FAT1: variants seen among roughly 807,000 people sequenced by gnomAD.
FAT1 encodes protocadherin Fat 1.
In FAT1, 171 loss-of-function variants were observed where a neutral mutation model predicts 329.8. The observed-to-expected ratio is 0.52, with a 90% CI of 0.46 to 0.59. The LOEUF (loss-of-function observed/expected upper bound fraction) is 0.59, where lower values mean the gene tolerates loss of function less well. FAT1 is among the 20% of genes least tolerant of loss of function. The probability of loss-of-function intolerance (pLI) is 0.00; values close to 1 mark genes in which losing one functional copy is unlikely to be tolerated. For synonymous variants in FAT1, 2,233 were observed against 2,228.6 expected (o/e 1.00, Z -0.06); for missense variants, 5,672 against 5,774.4 (o/e 0.98, Z 0.57).
intron 20 of FAT1, 83 bp from the exon 21 acceptor site, chr4:186,601,509 G>A: frequency 9.1e-7 from 1 of 1,103,414 alleles, no homozygotes; most frequent in Non-Finnish European, 1.3e-6. Flanking sequence ...CACCCCTTGA[G>A]ACTGATTTAG....
At chr4:186,676,288 A>AC (rs1491434349) in intron 2 of FAT1, among the ~76,000 whole-genome samples, 11 of 150,436 alleles carry the variant, frequency 7.3e-5, no homozygotes, top group East Asian at 5.8e-4. Context: ...GAAAAAAAAA[A>AC]ACAAAAAAAA....
At chr4:186,667,804 C>G (rs1279310069) in intron 2 of FAT1, among the ~76,000 whole-genome samples, 1 of 152,130 alleles carries the variant, frequency 6.6e-6, no homozygotes, top group Non-Finnish European at 1.5e-5. Context: ...TTGCTTAAGC[C>G]CTGGAGTGAT....
intron 2 of FAT1, among the ~76,000 whole-genome samples, chr4:186,674,822 C>T (rs752913541): frequency 2.0e-5 from 3 of 152,030 alleles, no homozygotes; most frequent in Admixed American, 6.6e-5. Flanking sequence ...TCACTTGAGC[C>T]CAAGAGTTCG....
At chr4:186,681,900 T>C (rs1743224972) in intron 2 of FAT1, among the ~76,000 whole-genome samples, 1 of 152,214 alleles carries the variant, frequency 6.6e-6, no homozygotes, top group Non-Finnish European at 1.5e-5. Flanking sequence ...TCCATAACTA[T>C]CTTTCCCCAC....
intron 2 of FAT1, among the ~76,000 whole-genome samples, chr4:186,676,171 C>T (rs1742948953): frequency 6.6e-6 from 1 of 151,660 alleles, no homozygotes; most frequent in African/African-American, 2.4e-5. Context: ...GTATCTTTTA[C>T]ACAAAGACCA....
rs779197760 is a variant in FAT1, at chr4:186,598,112, T to C, written c.12117A>G (p.Lys4039=). 2.6e-5 allele frequency: 42 copies of C among 1,606,684 alleles called. No individual in the cohort carries two copies. Among genetic ancestry groups the C allele is most frequent in the Non-Finnish European group, 3.5e-5 (41 of 1,178,120 alleles). Residue 4039 remains lysine (K), a synonymous_variant, in exon 23 of 27, where the codon AAA becomes AAG. Coordinates refer to ENST00000441802, the MANE Select transcript of FAT1 (RefSeq NM_005245.4). ...NPSPAGGYYC[K]CSALYIGTHC... is the part of the protein sequence containing the mutation. Reference sequence around the variant, plus strand: ...GGGTCCCTATGTACAAGGCACTGCATTTGCAGTAATAACCTAAATCGGCAA... The same window carrying C: ...GGGTCCCTATGTACAAGGCACTGCACTTGCAGTAATAACCTAAATCGGCAA...
In FAT1 at chr4:186,708,748, G is replaced by A. The variant is rs2126698778; in HGVS notation, c.1080C>T (p.Phe360=). ...TTTCAAACTTGACTGGCCCGGCTTT[G>A]AACTGTGGAGAAGTCACGTGAATGA... The part of the protein sequence containing the change: ...VKVIHVTSPQ[F]KAGPVKFEKD... The change falls in exon 2 of 27, where the codon TTC becomes TTT. Residue 360 remains phenylalanine, a synonymous_variant. Coordinates refer to ENST00000441802, the MANE Select transcript of FAT1 (RefSeq NM_005245.4). The A allele has an allele frequency of 6.2e-7, 1 of 1,613,990 alleles. No homozygotes were observed. Among genetic ancestry groups the A allele is most frequent in the Non-Finnish European group, 8.5e-7 (1 of 1,179,884 alleles).
chr4:186,661,814 A>T (rs1742185370), intron 3 of FAT1, among the ~76,000 whole-genome samples: 1 of 152,056 alleles, frequency 6.6e-6, no homozygotes, highest in Admixed American at 6.6e-5. Flanking sequence ...AAGAGAGGTT[A>T]TGGGAACCCT....
intron 22 of FAT1, among the ~76,000 whole-genome samples, chr4:186,599,275 C>G (rs973732577): frequency 3.4e-4 from 52 of 152,238 alleles, no homozygotes; most frequent in Non-Finnish European, 1.6e-4. Context: ...CACTTAATGA[C>G]AGTATTATTT....
rs1272532430 is a variant in FAT1 at position 186,707,303 on chromosome 4, A to G, written c.2525T>C (p.Ile842Thr). ...SEDKEVHSEI[I>T]QVEATDKDLG... is the part of the protein sequence containing the mutation. ...GTCTTTATCTGTGGCTTCAACCTGG[A>G]TGATTTCACTATGTACCTCCTTGTC... Residue 842 changes from isoleucine to threonine, a missense_variant, in exon 2 of 27, where the codon ATC becomes ACC. By Grantham distance (89) the Ile-to-Thr change is moderately conservative (BLOSUM62 -1). Transcript: ENST00000441802. 2 of 1,613,988 alleles carry G rather than the reference A, an allele frequency of 1.2e-6. No individual in the cohort carries two copies. The highest frequency in any genetic ancestry group is 1.7e-5 in the Admixed American group (1 of 60,020).
rs1451301019 is a variant in FAT1 at position 186,620,597 on chromosome 4, T to A, written c.5989A>T (p.Thr1997Ser). 1 of 1,613,984 alleles carries A rather than the reference T, an allele frequency of 6.2e-7. No individual in the cohort carries two copies. Among genetic ancestry groups the A allele is most frequent in the African/African-American group, 1.3e-5 (1 of 75,048 alleles). Residue 1997 changes from threonine to serine, a missense_variant, in exon 10 of 27, where the codon ACA becomes TCA. This residue lies in a region of FAT1 where 3,966 missense variants were observed against 3,915.2 expected (regional missense o/e 1.01). Coordinates refer to ENST00000441802, the MANE Select transcript of FAT1 (RefSeq NM_005245.4). ...VVKENSTEAE[T>S]LAVITAIGNP... ...CCAATAGCAGTAATGACAGCTAATG[T>A]TTCGGCCTCGGTGGAATTCTCTTTC...
chr4:186,660,070 T>A (rs1579404059), intron 3 of FAT1, among the ~76,000 whole-genome samples: 1 of 152,188 alleles, frequency 6.6e-6, no homozygotes, highest in Non-Finnish European at 1.5e-5. Context: ...ATGGTCCGGA[T>A]CTCTGGATTT....
rs752436166 is a variant in FAT1 at position 186,708,307 on chromosome 4, A to G, written c.1521T>C (p.His507=). 1.2e-6 allele frequency: 2 copies of G among 1,613,968 alleles called. No individual in the cohort carries two copies. Among genetic ancestry groups the G allele is most frequent in the Admixed American group, 1.7e-5 (1 of 60,018 alleles). ...YVTYSIANLN[H]VPFAIDHFTG... The stretch of plus-strand genomic sequence containing the variant: ...TGAAATGGTCAATCGCAAACGGCAC[A>G]TGATTTAAATTTGCGATACTGTATG... Residue 507 remains histidine, a synonymous_variant, in exon 2 of 27, where the codon CAT becomes CAC. Transcript: ENST00000441802.
rs370409135 is a variant in FAT1, at chr4:186,636,624, G to T, written c.3933C>A (p.Ser1311=). ...ATTCTCCAGCTGCTGAAAACCTCTT[G>T]GACGAAACCACTCCAGTTTTCGGTT... is the stretch of plus-strand genomic sequence containing the variant. ...FIEPKTGVVS[S]KRFSAAGEYD... The change falls in exon 5 of 27, where the codon TCC becomes TCA. Residue 1311 remains serine (S), a synonymous_variant. Coordinates refer to ENST00000441802, the MANE Select transcript of FAT1 (RefSeq NM_005245.4). The T allele has an allele frequency of 1.9e-6, 3 of 1,613,562 alleles. No homozygotes were observed. The highest frequency in any genetic ancestry group is 2.5e-6 in the Non-Finnish European group (3 of 1,179,736).
intron 3 of FAT1, among the ~76,000 whole-genome samples, chr4:186,653,263 T>G (rs1414104535): frequency 2.0e-5 from 3 of 152,120 alleles, no homozygotes; most frequent in African/African-American, 7.2e-5. Context: ...CTAGGAAAAT[T>G]TATCTTCTAA....
intron 3 of FAT1, among the ~76,000 whole-genome samples, chr4:186,652,469 G>A (rs893161898): frequency 5.3e-5 from 8 of 152,028 alleles, no homozygotes; most frequent in African/African-American, 9.7e-5. Context: ...CATCAACATC[G>A]GCAGAAATGT....
At chr4:186,633,343 A>T (rs1740675526) in intron 7 of FAT1, among the ~76,000 whole-genome samples, 1 of 152,184 alleles carries the variant, frequency 6.6e-6, no homozygotes, top group South Asian at 2.1e-4. Context: ...TTTACTGAAA[A>T]TGATTTAAAC....
At chr4:186,626,153 AGAAT>A (rs548372066) in intron 9 of FAT1, among the ~76,000 whole-genome samples, 23 of 91,570 alleles carry the variant, frequency 2.5e-4, no homozygotes, top group African/African-American at 1.1e-3. Context: ...ATCAGCCTAC[AGAAT>A]GAATGAATGA....
chr4:186,617,195 T>A lies in FAT1; in HGVS notation c.8885A>T (p.Asp2962Val). 1.3e-6 allele frequency: 2 copies of A among 1,583,468 alleles called. No individual in the cohort carries two copies. Among genetic ancestry groups the A allele is most frequent in the Non-Finnish European group, 1.7e-6 (2 of 1,164,960 alleles). Residue 2962 changes from aspartate to valine, a missense_variant, in exon 11 of 27, where the codon GAT becomes GTT. Around this residue, in one of 2 missense-constraint regions of FAT1, gnomAD observed 3,966 missense variants for 3,915.2 expected, o/e 1.01. Transcript: ENST00000441802. ...RQVTYFITGG[D>V]PLGQFAVETI... ...TTCAACGGCAAACTGTCCTAAAGGATCCCCTCCTATTAAATCAATGGAGGA... is the reference window on the plus strand; with the variant it reads ...TTCAACGGCAAACTGTCCTAAAGGAACCCCTCCTATTAAATCAATGGAGGA...
Sources: gnomAD v4.1 joint callset for allele counts (sites outside exome capture counted in the v4.1 genomes callset) on GRCh38, gnomAD v4.1.1 for gene constraint, gnomAD v4.1.1 regional missense constraint, MANE v1.5 for transcripts, NCBI Gene and HGNC (gene_info 2026-07-23, HGNC 2026-07-21) for gene names.